The following HECTD4 variants were observed in gnomAD, a reference collection of about 807,000 sequenced individuals.
HECTD4 encodes the protein HECT domain E3 ubiquitin protein ligase 4.
Under a neutral mutation model 471.5 loss-of-function variants are expected in HECTD4, and 114 were observed. The observed-to-expected ratio is 0.24, with a 90% CI of 0.21 to 0.28. The LOEUF (loss-of-function observed/expected upper bound fraction) is 0.28, where lower values mean the gene tolerates loss of function less well. Among genes scored for constraint, HECTD4 ranks in the 10% least tolerant of loss-of-function variants. HECTD4 has a pLI of 1.00. For synonymous variants in HECTD4, 2,012 were observed against 2,256.0 expected (o/e 0.89, Z 3.07); for missense variants, 3,866 against 5,651.5 (o/e 0.68, Z 10.13).
In HECTD4 at chr12:112,208,549, G is replaced by A. The variant is rs2032663490; in HGVS notation, c.7949C>T (p.Pro2650Leu). Residue 2650 changes from proline (P) to leucine (L), a missense_variant, in exon 51 of 76, where the codon CCG becomes CTG. Coordinates refer to ENST00000682272, the MANE Select transcript of HECTD4 (RefSeq NM_001388303.1). ...NFITSGPDPHPPPIADDESDD... is the reference protein window; with the variant it reads ...NFITSGPDPHLPPIADDESDD... ...GCTTTCATCATCTGCAATGGGAGGC[G>A]GGTGAGGGTCTGGGCCAGAGGTGAT... The A allele has an allele frequency of 4.4e-6, 7 of 1,605,448 alleles. No homozygotes were observed. Among genetic ancestry groups the A allele is most frequent in the East Asian group, 2.2e-5 (1 of 44,534 alleles).
intron 1 of HECTD4, among the ~76,000 whole-genome samples, chr12:112,366,608 A>T (rs915016941): frequency 6.6e-6 from 1 of 151,764 alleles, no homozygotes; most frequent in Non-Finnish European, 1.5e-5. Flanking sequence ...AAGAAGAAGA[A>T]AAAAAAGAGC....
intron 7 of HECTD4, among the ~76,000 whole-genome samples, chr12:112,293,754 A>G (rs1278301509): frequency 1.3e-5 from 2 of 152,198 alleles, no homozygotes; most frequent in Non-Finnish European, 2.9e-5. Context: ...GAGGAGGGAA[A>G]CTGGGCTAGG....
In HECTD4 at chr12:112,251,053, A is replaced by G. The variant is rs554945452; in HGVS notation, c.3634T>C (p.Leu1212=). 6.2e-7 allele frequency: 1 copy of G among 1,614,044 alleles called. No homozygotes were observed. The highest frequency in any genetic ancestry group is 1.1e-5 in the South Asian group (1 of 91,084). ...TCTGGTCCATTGTACAGGATTCTTA[A>G]CATGGAACAAGCTAACACAGACAGA... ...LGLSVLACSM[L]RILYNGPEIT... The change falls in exon 24 of 76, where the codon TTA becomes CTA. Residue 1212 remains leucine (L), a synonymous_variant. Coordinates refer to ENST00000682272, the MANE Select transcript of HECTD4 (RefSeq NM_001388303.1).
chr12:112,295,004 C>T (rs553469460), intron 7 of HECTD4, among the ~76,000 whole-genome samples: 43 of 151,930 alleles, frequency 2.8e-4, no homozygotes, highest in Admixed American at 5.3e-4. Context: ...TACTGTGTGC[C>T]GGGTACTATT....
intron 43 of HECTD4, among the ~76,000 whole-genome samples, chr12:112,227,774 C>T (rs888132787): frequency 6.6e-6 from 1 of 152,062 alleles, no homozygotes; most frequent in Non-Finnish European, 1.5e-5. Context: ...AGAGTTATTC[C>T]TGTGATGGAA....
At chr12:112,196,711 C>A (rs1337174587) in intron 55 of HECTD4, among the ~76,000 whole-genome samples, 1 of 152,144 alleles carries the variant, frequency 6.6e-6, no homozygotes, top group African/African-American at 2.4e-5. Context: ...CAGCTTTAGC[C>A]TCTTGAGTAG....
In HECTD4 at chr12:112,334,736, G is replaced by A. The variant is rs1594054046; in HGVS notation, c.178-14994C>T. 4.0e-5 allele frequency among the ~76,000 whole-genome samples: 6 copies of A among 151,404 alleles called. No individual in the cohort carries two copies. The South Asian group carries it at 6.3e-4, about 16-fold the overall frequency. ...GAGGCAGGAGAATTGCTTGAACCTG[G>A]GAGGGAGAGGTTGCAGTGAGGAGAG... On this transcript the variant is annotated intron_variant, in intron 1 of 75. Transcript: ENST00000682272.
At chr12:112,283,406 A>T (rs1594008869) in intron 7 of HECTD4, 104 bp from the exon 8 acceptor site, 3 of 870,522 alleles carry the variant, frequency 3.4e-6, no homozygotes, top group Non-Finnish European at 1.7e-6. Flanking sequence ...TATTTCAAAA[A>T]CTGCTCCTGA....
chr12:112,318,164 C>T (rs747610348), intron 2 of HECTD4, among the ~76,000 whole-genome samples: 22 of 151,624 alleles, frequency 1.5e-4, no homozygotes, highest in Non-Finnish European at 2.8e-4. Flanking sequence ...ACTTGGGAGG[C>T]TGAGGCAGGA....
At position 112,239,173 on chromosome 12, in the gene HECTD4, C is replaced by G. The variant is rs1321038884; in HGVS notation, c.5169G>C (p.Leu1723Phe). The change falls in exon 34 of 76, where the codon TTG (leucine) becomes TTC (phenylalanine). Residue 1723 changes from leucine (L) to phenylalanine (F), a missense_variant. Physicochemically the swap from Leu to Phe is conservative, Grantham distance 22 (BLOSUM62 0). This residue lies in a region of HECTD4 where 229 missense variants were observed against 386.4 expected (regional missense o/e 0.59). Coordinates refer to ENST00000682272, the MANE Select transcript of HECTD4 (RefSeq NM_001388303.1). The surrounding 1 kb of genome is among the most constrained non-coding windows in gnomAD (Gnocchi z 4.9). The part of the protein sequence containing the change: ...LVQLMDRLCS[L>F]SNQTESSSSE... Reference sequence around the variant, plus strand: ...TGGAGCTGGACTCGGTCTGATTGCTCAAGCTACACAGTCGATCCATGAGCT... The same window carrying G: ...TGGAGCTGGACTCGGTCTGATTGCTGAAGCTACACAGTCGATCCATGAGCT... 1 of 1,613,900 alleles carries G rather than the reference C, an allele frequency of 6.2e-7. No individual in the cohort carries two copies. Among genetic ancestry groups the G allele is most frequent in the Admixed American group, 1.7e-5 (1 of 60,016 alleles).
At position 112,256,314 on chromosome 12, in the gene HECTD4, A is replaced by C; in HGVS notation, c.3327+6T>G. ...TGGAACCAATAGTAACCCAGTTCTT[A>C]CTTACTTTGTCATAGTCATATTGCG... On this transcript the variant is annotated splice_donor_region_variant and intron_variant, in intron 21 of 75. Coordinates refer to ENST00000682272, the MANE Select transcript of HECTD4 (RefSeq NM_001388303.1). 2.6e-6 allele frequency: 4 copies of C among 1,563,310 alleles called. No homozygotes were observed. The highest frequency in any genetic ancestry group is 3.5e-6 in the Non-Finnish European group (4 of 1,156,910).
intron 1 of HECTD4, among the ~76,000 whole-genome samples, chr12:112,326,212 A>G (rs1460585672): frequency 6.6e-6 from 1 of 152,180 alleles, no homozygotes; most frequent in Non-Finnish European, 1.5e-5. Flanking sequence ...AGAAGAACAG[A>G]GTGGTCAGGC....
chr12:112,181,949 G>A (rs1566063260), intron 62 of HECTD4, among the ~76,000 whole-genome samples: 1 of 152,086 alleles, frequency 6.6e-6, no homozygotes, highest in Non-Finnish European at 1.5e-5. Flanking sequence ...AAAATTAGCT[G>A]GGTATGGCGG....
At chr12:112,308,025 C>A (rs2035299184) in intron 6 of HECTD4, among the ~76,000 whole-genome samples, 1 of 152,232 alleles carries the variant, frequency 6.6e-6, no homozygotes, top group African/African-American at 2.4e-5. Flanking sequence ...GATAAACCTA[C>A]ATAGTAATGC....
intron 67 of HECTD4, 94 bp downstream of exon 67, chr12:112,172,577 A>G: frequency 1.6e-6 from 2 of 1,251,142 alleles, no homozygotes; most frequent in Non-Finnish European, 2.3e-6. Flanking sequence ...CGTTCGATGG[A>G]CGTCTAAATG....
chr12:112,316,576 A>G (rs1385956428), intron 2 of HECTD4, among the ~76,000 whole-genome samples: 3 of 152,144 alleles, frequency 2.0e-5, no homozygotes, highest in Non-Finnish European at 4.4e-5. Flanking sequence ...CCCTGAGTCC[A>G]TTCAACCGTA....
At chr12:112,335,218 T>C (rs1417841065) in intron 1 of HECTD4, among the ~76,000 whole-genome samples, 3 of 151,326 alleles carry the variant, frequency 2.0e-5, no homozygotes, top group Non-Finnish European at 4.4e-5. Flanking sequence ...AATGAATTAA[T>C]GGCATTTGCA....
rs1593937167 is a variant in HECTD4, at chr12:112,214,013, C to A, written c.7466-1363G>T. ...CTCTAGCCTGGGTGACAGAGTGAGA[C>A]CCAGTCTCAAAAAAAATAAAAAAGA... On this transcript the variant is annotated intron_variant, in intron 48 of 75. Transcript: ENST00000682272. 2.6e-5 allele frequency among the ~76,000 whole-genome samples: 4 copies of A among 151,466 alleles called. No individual in the cohort carries two copies. In the South Asian group the frequency reaches 6.2e-4, roughly 24 times the overall value.
chr12:112,332,216 C>T (rs2035856829), intron 1 of HECTD4, among the ~76,000 whole-genome samples: 1 of 151,966 alleles, frequency 6.6e-6, no homozygotes, highest in Admixed American at 6.6e-5. Context: ...GCATCAAAAT[C>T]CCTGGATGTG....
Sources: gnomAD v4.1 joint callset for allele counts (sites outside exome capture counted in the v4.1 genomes callset) on GRCh38, gnomAD v4.1.1 for gene constraint, gnomAD v4.1.1 regional missense constraint, Gnocchi (gnomAD v3.1) non-coding constraint, MANE v1.5 for transcripts, NCBI Gene and HGNC (gene_info 2026-07-23, HGNC 2026-07-21) for gene names.